FOXP1: variants seen among roughly 807,000 people sequenced by gnomAD.
FOXP1 encodes the protein forkhead box protein P1.
FOXP1 carries 15 observed loss-of-function variants against 98.2 expected under a neutral mutation model. The observed-to-expected ratio is 0.15, with a 90% CI of 0.10 to 0.24. The LOEUF is 0.24. Among genes scored for constraint, FOXP1 ranks in the 10% least tolerant of loss-of-function variants. The pLI, the probability that FOXP1 is intolerant of heterozygous loss-of-function variation, is 1.00. For synonymous variants in FOXP1, 371 were observed against 314.5 expected (o/e 1.18, Z -1.90); for missense variants, 633 against 848.5 (o/e 0.75, Z 3.15).
intron 2 of FOXP1, chr3:71,570,747 C>G (rs1040233068): frequency 5.9e-5 from 9 of 152,184 alleles, no homozygotes; most frequent in African/African-American, 1.9e-4. Flanking sequence ...AAAAATGAGC[C>G]TGGCCCAATC....
rs1482011221 is a variant in FOXP1 at position 70,956,420 on chromosome 3, T to C, written c.*2827A>G. Reference sequence around the variant, plus strand: ...ATATGTAAAATCTAATTTTTCTTTTTTTTTTTTTTTTGCTACAGTCTTTAG... The same window carrying C: ...ATATGTAAAATCTAATTTTTCTTTTCTTTTTTTTTTTGCTACAGTCTTTAG... On this transcript the variant is annotated 3_prime_UTR_variant, in exon 21 of 21. Coordinates refer to ENST00000649528, the MANE Select transcript of FOXP1 (RefSeq NM_001349338.3). 1.8e-5 allele frequency: 4 copies of C among 227,270 alleles called. No homozygotes were observed. The highest frequency in any genetic ancestry group is 1.8e-4 in the South Asian group (1 of 5,470). The allele number at this position is 227,270 out of a possible 1,614,324, so 14.1% of individuals were successfully genotyped here.
intron 7 of FOXP1, among the ~76,000 whole-genome samples, chr3:71,059,047 T>C (rs1221772467): frequency 6.6e-6 from 1 of 152,198 alleles, no homozygotes; most frequent in East Asian, 1.9e-4. Context: ...TGCAAAATCA[T>C]CTAGGTAGTC....
chr3:71,113,712 C>CAT (rs145515459), intron 6 of FOXP1, among the ~76,000 whole-genome samples: 1,424 of 102,408 alleles, frequency 0.014, 18 homozygotes, highest in African/African-American at 0.041. Flanking sequence ...GCTTCCATCT[C>CAT]AAAATAAAAT....
chr3:71,310,128 G>T (rs2074580379), intron 4 of FOXP1, among the ~76,000 whole-genome samples: 1 of 152,180 alleles, frequency 6.6e-6, no homozygotes, highest in African/African-American at 2.4e-5. Context: ...GAAACATGCT[G>T]GACAATGGAT....
At chr3:71,429,496 G>A (rs1305209249) in intron 3 of FOXP1, among the ~76,000 whole-genome samples, 1 of 119,960 alleles carries the variant, frequency 8.3e-6, no homozygotes. Flanking sequence ...GGGGGCGGGA[G>A]GGGGGGTACT....
rs2040046104 is a variant in FOXP1 at position 70,988,095 on chromosome 3, C to T, written c.1063-18G>A. 1.2e-6 allele frequency: 2 copies of T among 1,611,578 alleles called. No homozygotes were observed. Among genetic ancestry groups the T allele is most frequent in the Non-Finnish European group, 1.7e-6 (2 of 1,177,816 alleles). ...TTTGCAAGCTGGCAAGAAGAAAATG[C>T]TTTGTTATTTCTCTGAATAAAGATG... On this transcript the variant is annotated intron_variant, in intron 13 of 20. Transcript: ENST00000649528.
chr3:71,045,383 C>T (rs951576359), intron 10 of FOXP1, among the ~76,000 whole-genome samples: 1 of 152,154 alleles, frequency 6.6e-6, no homozygotes, highest in Non-Finnish European at 1.5e-5. Context: ...AACTGATGTA[C>T]TATAACAATG....
chr3:71,015,717 A>G, intron 11 of FOXP1, 64 bp from the exon 12 acceptor site: 1 of 1,155,640 alleles, frequency 8.7e-7, no homozygotes. Context: ...CCACCAGACG[A>G]GGATAAAAAA....
rs867863531 is a variant in FOXP1 at position 71,041,410 on chromosome 3, C to G, written c.787G>C (p.Ala263Pro). ...DLTTTCVSSS[A>P]PSKTSLIMNP... Reference sequence around the variant, plus strand: ...ATTATTAAGGAGGTCTTGGAAGGTGCAGAGGAGGAGACACATGTCGTGGTC... The same window carrying G: ...ATTATTAAGGAGGTCTTGGAAGGTGGAGAGGAGGAGACACATGTCGTGGTC... The change falls in exon 11 of 21, where the codon GCA (alanine) becomes CCA (proline). Residue 263 changes from alanine to proline, a missense_variant. By Grantham distance (27) the Ala-to-Pro change is conservative. Transcript: ENST00000649528. The G allele has an allele frequency of 3.1e-6, 5 of 1,613,670 alleles. No homozygotes were observed. Among genetic ancestry groups the G allele is most frequent in the Non-Finnish European group, 4.2e-6 (5 of 1,179,836 alleles).
chr3:71,082,864 AC>A (rs1464798641), intron 7 of FOXP1, among the ~76,000 whole-genome samples: 1 of 152,228 alleles, frequency 6.6e-6, no homozygotes, highest in Non-Finnish European at 1.5e-5. Flanking sequence ...TAACCAGCTG[AC>A]TGGCTAAACA....
chr3:71,482,815 G>A (rs986474495), intron 3 of FOXP1, among the ~76,000 whole-genome samples: 1 of 150,990 alleles, frequency 6.6e-6, no homozygotes, highest in African/African-American at 2.4e-5. Context: ...GTTAGGAAGA[G>A]ACTATAGTTC....
intron 6 of FOXP1, among the ~76,000 whole-genome samples, chr3:71,139,370 G>C (rs2059961519): frequency 6.6e-6 from 1 of 152,096 alleles, no homozygotes; most frequent in Non-Finnish European, 1.5e-5. Context: ...TAGGAATGCA[G>C]CTTTAGGTAT....
chr3:71,102,927 C>T (rs549104444), intron 7 of FOXP1, among the ~76,000 whole-genome samples: 5 of 152,292 alleles, frequency 3.3e-5, no homozygotes, highest in East Asian at 1.9e-4. Flanking sequence ...CTCCACTTTC[C>T]TCCCCTGTAA....
intron 20 of FOXP1, among the ~76,000 whole-genome samples, chr3:70,960,882 C>T (rs2033260570): frequency 6.7e-6 from 1 of 149,820 alleles, no homozygotes; most frequent in African/African-American, 2.5e-5. Context: ...TGCTCTGTCG[C>T]CCAGGCTGGA....
intron 5 of FOXP1, among the ~76,000 whole-genome samples, chr3:71,239,340 G>A (rs1050682727): frequency 6.6e-6 from 1 of 152,146 alleles, no homozygotes; most frequent in East Asian, 1.9e-4. Context: ...TCAGGAGATC[G>A]AGAACCAGCC....
At chr3:71,312,166 G>C (rs1285567719) in intron 4 of FOXP1, among the ~76,000 whole-genome samples, 1 of 152,164 alleles carries the variant, frequency 6.6e-6, no homozygotes, top group Non-Finnish European at 1.5e-5. Context: ...AAGGGTGTAC[G>C]CATATGCTGC....
At chr3:71,507,366 A>G (rs1336326136) in intron 2 of FOXP1, among the ~76,000 whole-genome samples, 4 of 152,228 alleles carry the variant, frequency 2.6e-5, no homozygotes, top group Middle Eastern at 3.4e-3. Context: ...GGAGAATTCA[A>G]CTACAAGGTC....
chr3:70,989,440 G>A (rs1461324137), intron 13 of FOXP1, among the ~76,000 whole-genome samples: 1 of 152,066 alleles, frequency 6.6e-6, no homozygotes, highest in Non-Finnish European at 1.5e-5. Flanking sequence ...GCCACTTGAT[G>A]GTATTCCTCC....
At chr3:71,260,287 C>CT (rs2069004266) in intron 5 of FOXP1, among the ~76,000 whole-genome samples, 1 of 151,736 alleles carries the variant, frequency 6.6e-6, no homozygotes, top group Non-Finnish European at 1.5e-5. Context: ...CCGGCCAACA[C>CT]TTTCTAATAC....
Sources: gnomAD v4.1 joint callset for allele counts (sites outside exome capture counted in the v4.1 genomes callset) on GRCh38, gnomAD v4.1.1 for gene constraint, MANE v1.5 for transcripts, NCBI Gene and HGNC (gene_info 2026-07-23, HGNC 2026-07-21) for gene names.